The following SEMA3A variants were observed in gnomAD, a reference collection of about 807,000 sequenced individuals.
SEMA3A encodes semaphorin 3A, also known as semaphorin-3A.
In SEMA3A, 29 loss-of-function variants were observed where a neutral mutation model predicts 97.9. That is an observed-to-expected ratio of 0.30 (90% CI 0.22 to 0.40). SEMA3A has a LOEUF of 0.40. SEMA3A is among the 10% of genes least tolerant of loss of function. SEMA3A has a pLI of 1.00. For missense variants in SEMA3A, 763 were observed against 951.3 expected (o/e 0.80, Z 2.60); for synonymous variants, 321 against 323.7 (o/e 0.99, Z 0.09).
At chr7:84,083,533 C>G (rs893254560) in intron 4 of SEMA3A, among the ~76,000 whole-genome samples, 1 of 151,964 alleles carries the variant, frequency 6.6e-6, no homozygotes, top group Non-Finnish European at 1.5e-5. Flanking sequence ...ATTGCTCTAT[C>G]AATCACTAAA....
intron 13 of SEMA3A, among the ~76,000 whole-genome samples, chr7:83,984,053 T>C (rs993400704): frequency 3.3e-5 from 5 of 152,174 alleles, no homozygotes; most frequent in Admixed American, 3.3e-4. Context: ...ATAGATTGTT[T>C]TTCTTTGTCA....
chr7:84,011,866 A>G (rs1298300937), intron 7 of SEMA3A, among the ~76,000 whole-genome samples: 2 of 151,530 alleles, frequency 1.3e-5, no homozygotes, highest in Non-Finnish European at 2.9e-5. Context: ...TCATAAATTT[A>G]TATAATCATA....
At chr7:84,211,409 G>A (rs1223062030) in intron 3 of SEMA3A, among the ~76,000 whole-genome samples, 2 of 151,020 alleles carry the variant, frequency 1.3e-5, no homozygotes, top group Non-Finnish European at 3.0e-5. Flanking sequence ...TCAGGAGTTC[G>A]AGACCAGCCT....
In SEMA3A at chr7:83,988,212, T is replaced by G. The variant is rs184365684; in HGVS notation, c.1453-2735A>C. On this transcript the variant is annotated intron_variant, in intron 12 of 16. Transcript: ENST00000265362. ...TTCTTCCCTAATAAGCTCTTGTGTT[T>G]TTGTTGTTGTTGTTGTTGTTTGTTT... Among the ~76,000 whole-genome samples the G allele has an allele frequency of 4.1e-3, 627 of 152,076 alleles. 2 individuals carry two copies. The highest frequency in any genetic ancestry group is 0.01 in the Middle Eastern group (3 of 294).
intron 1 of SEMA3A, among the ~76,000 whole-genome samples, chr7:84,192,992 A>T (rs1234310764): frequency 6.6e-6 from 1 of 151,928 alleles, no homozygotes; most frequent in Non-Finnish European, 1.5e-5. Context: ...AGACACCATA[A>T]TATCATATAC....
intron 1 of SEMA3A, among the ~76,000 whole-genome samples, chr7:84,378,923 GTTGTT>G (rs1302893981): frequency 6.7e-6 from 1 of 150,086 alleles, no homozygotes; most frequent in African/African-American, 2.5e-5. Flanking sequence ...TGTTGTTGTT[GTTGTT>G]TTGTTTTGTT....
chr7:84,087,319 C>CTATAAAA (rs1794412417), intron 4 of SEMA3A, among the ~76,000 whole-genome samples: 1 of 152,106 alleles, frequency 6.6e-6, no homozygotes, highest in Non-Finnish European at 1.5e-5. Context: ...AAAGTCCCAT[C>CTATAAAA]TGCCTGTTTA....
chr7:84,185,284 A>G (rs1210230605), intron 1 of SEMA3A, among the ~76,000 whole-genome samples: 1 of 152,098 alleles, frequency 6.6e-6, no homozygotes, highest in Non-Finnish European at 1.5e-5. Flanking sequence ...GCCGGGTACC[A>G]TGAACCTACA....
intron 1 of SEMA3A, among the ~76,000 whole-genome samples, chr7:84,425,656 C>A (rs967647112): frequency 6.8e-6 from 1 of 146,348 alleles, no homozygotes; most frequent in African/African-American, 2.5e-5. Context: ...ATATATATGC[C>A]TGGTTGTTAA....
At chr7:84,393,776 A>T (rs555640629) in intron 1 of SEMA3A, among the ~76,000 whole-genome samples, 13 of 152,216 alleles carry the variant, frequency 8.5e-5, no homozygotes, top group African/African-American at 3.1e-4. Flanking sequence ...CCCCCTTGGT[A>T]AAGAGGTGTG....
intron 1 of SEMA3A, among the ~76,000 whole-genome samples, chr7:84,419,137 G>T (rs1804518999): frequency 6.6e-6 from 1 of 152,050 alleles, no homozygotes; most frequent in African/African-American, 2.4e-5. Flanking sequence ...GAAATGATGT[G>T]TGTCACCCTC....
Position 84,004,145 on chromosome 7 carries a change from T to C in SEMA3A, c.1360+1194A>G, listed in dbSNP as rs961222240. On this transcript the variant is annotated intron_variant, in intron 11 of 16. Transcript: ENST00000265362. ...ACTCACTCTGTTTCCCATTGATTTA[T>C]GTCAGTTAACAGCGTTAATGGAGAC... is the stretch of plus-strand genomic sequence containing the variant. Among the ~76,000 whole-genome samples the C allele has an allele frequency of 3.9e-5, 6 of 152,278 alleles. No individual in the cohort carries two copies. The East Asian group carries it at 1.2e-3, about 29-fold the overall frequency.
chr7:84,207,398 A>G (rs1032106288), intron 3 of SEMA3A, among the ~76,000 whole-genome samples: 7 of 152,210 alleles, frequency 4.6e-5, no homozygotes, highest in African/African-American at 1.7e-4. Flanking sequence ...CCATTCTATC[A>G]AATCCTGATT....
intron 15 of SEMA3A, among the ~76,000 whole-genome samples, chr7:83,975,179 G>T (rs1310295470): frequency 1.3e-5 from 2 of 151,846 alleles, no homozygotes; most frequent in Non-Finnish European, 2.9e-5. Flanking sequence ...AAATTCCTTT[G>T]GTCAGTTTTT....
At chr7:84,171,184 T>G (rs531256931) in intron 1 of SEMA3A, among the ~76,000 whole-genome samples, 9 of 152,286 alleles carry the variant, frequency 5.9e-5, no homozygotes, top group African/African-American at 2.2e-4. Context: ...ACTGCTTATT[T>G]CTGAAGCAAC....
intron 11 of SEMA3A, among the ~76,000 whole-genome samples, chr7:84,002,685 T>A (rs1346406969): frequency 6.6e-6 from 1 of 152,170 alleles, no homozygotes; most frequent in Non-Finnish European, 1.5e-5. Context: ...AGTAAACACC[T>A]AGAATTGCTT....
Position 84,134,891 on chromosome 7 carries a change from T to C in SEMA3A, c.173A>G (p.His58Arg), listed in dbSNP as rs1796075449. 1 of 1,613,840 alleles carries C rather than the reference T, an allele frequency of 6.2e-7. No individual in the cohort carries two copies. The highest frequency in any genetic ancestry group is 8.5e-7 in the Non-Finnish European group (1 of 1,179,894). Residue 58 changes from histidine (H) to arginine (R), a missense_variant, in exon 2 of 17, where the codon CAT becomes CGT. By Grantham distance (29) the His-to-Arg change is conservative (BLOSUM62 0). Coordinates refer to ENST00000265362, the MANE Select transcript of SEMA3A (RefSeq NM_006080.3). ...FNGLANSSSY[H>R]TFLLDEERSR... The stretch of plus-strand genomic sequence containing the variant: ...CCGTTCCTCATCCAAAAGGAAGGTA[T>C]GATAACTGGAGCTGTTGGCCAAGCC...
chr7:84,038,657 T>G (rs1444235313), intron 6 of SEMA3A, among the ~76,000 whole-genome samples: 1 of 152,060 alleles, frequency 6.6e-6, no homozygotes, highest in African/African-American at 2.4e-5. Context: ...CATGAAAAAT[T>G]TAAACGTTAA....
chr7:83,981,251 A>T, intron 14 of SEMA3A, 70 bp downstream of exon 14: 1 of 1,528,804 alleles, frequency 6.5e-7, no homozygotes, highest in Non-Finnish European at 9.0e-7. Context: ...ATTTGAAGAA[A>T]GCTATTTCAA....
Sources: allele counts gnomAD v4.1 joint callset (sites outside exome capture counted in the v4.1 genomes callset), GRCh38; gene constraint gnomAD v4.1.1; transcripts MANE v1.5; gene names NCBI Gene and HGNC (gene_info 2026-07-23, HGNC 2026-07-21).